RAP1GAP2: variants seen among roughly 807,000 people sequenced by gnomAD.
RAP1GAP2 encodes the protein rap1 GTPase-activating protein 2.
A neutral mutation model predicts 95.0 loss-of-function variants in RAP1GAP2; 27 were observed. That is an observed-to-expected ratio of 0.28 (90% CI 0.21 to 0.39). The LOEUF (loss-of-function observed/expected upper bound fraction) is 0.39, where lower values mean the gene tolerates loss of function less well. RAP1GAP2 is among the 10% of genes least tolerant of loss of function. The pLI is 1.00. For missense variants in RAP1GAP2, 771 were observed against 970.0 expected, an observed-to-expected ratio of 0.79 and a Z score of 2.72; for synonymous variants, 373 against 380.9, an observed-to-expected ratio of 0.98 and a Z score of 0.24.
chr17:2,790,300 C>T (rs544721750), intron 1 of RAP1GAP2, among the ~76,000 whole-genome samples: 3 of 152,164 alleles, frequency 2.0e-5, no homozygotes, highest in Non-Finnish European at 2.9e-5. Context: ...TTAGTAGAGA[C>T]GGGGTTTCTC....
At chr17:2,900,498 A>G (rs1465933137) in intron 2 of RAP1GAP2, among the ~76,000 whole-genome samples, 1 of 151,958 alleles carries the variant, frequency 6.6e-6, no homozygotes, top group Non-Finnish European at 1.5e-5. Flanking sequence ...CTGGAGTGCC[A>G]TGGTGAGATC....
At chr17:2,838,270 G>A (rs1248012248) in intron 2 of RAP1GAP2, among the ~76,000 whole-genome samples, 3 of 151,818 alleles carry the variant, frequency 2.0e-5, no homozygotes, top group South Asian at 2.1e-4. Flanking sequence ...CGCCCGCCTC[G>A]GCCTCCCAAA....
chr17:2,928,871 G>A (rs995663821), intron 3 of RAP1GAP2, among the ~76,000 whole-genome samples: 1 of 152,060 alleles, frequency 6.6e-6, no homozygotes, highest in African/African-American at 2.4e-5. Context: ...CTATCATCCT[G>A]ATCGCTCTGG....
At chr17:2,816,048 G>C (rs537417609) in intron 2 of RAP1GAP2, among the ~76,000 whole-genome samples, 1 of 152,168 alleles carries the variant, frequency 6.6e-6, no homozygotes, top group Admixed American at 6.5e-5. Context: ...CTTATTCCTT[G>C]AGTTAGCAGC....
chr17:2,942,749 G>A (rs899436167), intron 3 of RAP1GAP2, among the ~76,000 whole-genome samples: 6 of 152,056 alleles, frequency 3.9e-5, no homozygotes, highest in African/African-American at 1.2e-4. Flanking sequence ...CAACCATCAC[G>A]TCTATCTAAT....
chr17:2,963,594 C>A lies in RAP1GAP2; in HGVS notation c.279+132C>A. The A allele has an allele frequency of 1.6e-6, 2 of 1,239,346 alleles. No individual in the cohort carries two copies. Among genetic ancestry groups the A allele is most frequent in the African/African-American group, 1.5e-5 (1 of 67,158 alleles). The allele number at this position is 1,239,346 out of a possible 1,614,324, so 76.8% of individuals were successfully genotyped here. ...TTGGGCCTGGGACCTCTCTTCCTGTCTTTGCCTTTGTAACCTCAGCTTCTC... is the reference window on the plus strand; with the variant it reads ...TTGGGCCTGGGACCTCTCTTCCTGTATTTGCCTTTGTAACCTCAGCTTCTC... On this transcript the variant is annotated intron_variant, in intron 6 of 24. Transcript: ENST00000254695. The surrounding 1 kb of genome is among the most constrained non-coding windows in gnomAD (Gnocchi z 4.8).
At chr17:2,990,892 C>T (rs932955456) in intron 11 of RAP1GAP2, among the ~76,000 whole-genome samples, 1 of 149,720 alleles carries the variant, frequency 6.7e-6, no homozygotes, top group Non-Finnish European at 1.5e-5. Flanking sequence ...TCACCCAGAC[C>T]GGACTGCAAT....
rs141839067 is a variant in RAP1GAP2, at chr17:2,807,971, C to T, written c.80+7421C>T. On this transcript the variant is annotated intron_variant, in intron 2 of 24. Coordinates refer to ENST00000254695, the MANE Select transcript of RAP1GAP2 (RefSeq NM_015085.5). ...TGGCCTGCGCCCTGGGGTGAGGCCT[C>T]GGGAAGTTCGCACTGTTTCCAGCGG... Among the ~76,000 whole-genome samples, 8 of 152,290 alleles carry T rather than the reference C, an allele frequency of 5.3e-5. No homozygotes were observed. In the East Asian group the frequency reaches 7.7e-4, roughly 15 times the overall value.
intron 2 of RAP1GAP2, among the ~76,000 whole-genome samples, chr17:2,873,637 T>G (rs1049834854): frequency 6.6e-6 from 1 of 152,096 alleles, no homozygotes; most frequent in African/African-American, 2.4e-5. Context: ...GCTAATGTAT[T>G]CCTCATTCAA....
At chr17:2,807,030 T>C (rs536321662) in intron 2 of RAP1GAP2, among the ~76,000 whole-genome samples, 7 of 151,786 alleles carry the variant, frequency 4.6e-5, no homozygotes, top group African/African-American at 1.5e-4. Context: ...GCTGTGAGAA[T>C]TATGCACAAC....
In RAP1GAP2 at chr17:2,906,074, A is replaced by G. The variant is rs115521147; in HGVS notation, c.165+706A>G. Among the ~76,000 whole-genome samples the G allele has an allele frequency of 6.3e-3, 966 of 152,196 alleles. 11 individuals are homozygous for G. The highest frequency in any genetic ancestry group is 0.022 in the African/African-American group (912 of 41,526). On this transcript the variant is annotated intron_variant, in intron 3 of 24. Transcript: ENST00000254695. This position sits in a 1 kb window ranked among gnomAD's most constrained non-coding sequence, Gnocchi z 4.3. ...AGCCAGTGTTTCTGCATAGGCTGGC[A>G]TGCACGCTCTCCCTCCCTCCCTCCC...
chr17:2,953,721 C>T (rs2044000640), intron 3 of RAP1GAP2, among the ~76,000 whole-genome samples: 1 of 152,096 alleles, frequency 6.6e-6, no homozygotes, highest in Non-Finnish European at 1.5e-5. Flanking sequence ...GGGGCGCATG[C>T]CTGTAATCCC....
intron 2 of RAP1GAP2, among the ~76,000 whole-genome samples, chr17:2,801,571 T>C (rs1234466112): frequency 6.6e-6 from 1 of 150,800 alleles, no homozygotes; most frequent in African/African-American, 2.4e-5. Context: ...CCCCGCCTAC[T>C]AGGACCTGAC....
intron 3 of RAP1GAP2, among the ~76,000 whole-genome samples, chr17:2,929,520 T>C (rs1477741076): frequency 6.6e-6 from 1 of 152,106 alleles, no homozygotes; most frequent in Non-Finnish European, 1.5e-5. Context: ...CCTGGGGCAG[T>C]TGGTGAGCTG....
chr17:2,918,559 G>GGT lies in RAP1GAP2; in HGVS notation c.165+13193_165+13194dup, dbSNP rs1489153811. ...CAGGAAACTTTTATTCATGGTGGAA[G>GGT]GTGAAGGGAGAGGAGGCAGGTCACA... On this transcript the variant is annotated intron_variant, in intron 3 of 24. Coordinates refer to ENST00000254695, the MANE Select transcript of RAP1GAP2 (RefSeq NM_015085.5). 9.2e-5 allele frequency among the ~76,000 whole-genome samples: 14 copies of GGT among 152,090 alleles called. No individual in the cohort carries two copies. The East Asian group carries it at 2.7e-3, about 29-fold the overall frequency.
rs186851311 is a variant in RAP1GAP2 at position 2,830,745 on chromosome 17, A to C, written c.80+30195A>C. ...AAACAAAACAAAACAAAAACTAAAA[A>C]AAAGATTTTGAACAGTAAATGTATT... is the stretch of plus-strand genomic sequence containing the variant. On this transcript the variant is annotated intron_variant, in intron 2 of 24. Transcript: ENST00000254695. Among the ~76,000 whole-genome samples the C allele has an allele frequency of 5.7e-3, 866 of 151,974 alleles. 6 individuals carry two copies. Among genetic ancestry groups the C allele is most frequent in the African/African-American group, 0.02 (827 of 41,500 alleles).
intron 2 of RAP1GAP2, among the ~76,000 whole-genome samples, chr17:2,833,400 G>T (rs1053722827): frequency 6.6e-6 from 1 of 152,052 alleles, no homozygotes; most frequent in African/African-American, 2.4e-5. Context: ...GCCTCCCAAA[G>T]TGTTGGGATT....
rs778931258 is a variant in RAP1GAP2 at position 2,980,270 on chromosome 17, T to C, written c.597-17T>C. ...ACTGTTTCTTAGGGATGTCCTTTTT[T>C]CTCCCGTCTTGTGCAGGTCCAAACT... On this transcript the variant is annotated splice_polypyrimidine_tract_variant and intron_variant, in intron 8 of 24. Transcript: ENST00000254695. The C allele has an allele frequency of 3.7e-6, 6 of 1,613,260 alleles. No individual in the cohort carries two copies. The South Asian group carries it at 6.6e-5, about 18-fold the overall frequency.
At chr17:3,026,322 G>A in intron 20 of RAP1GAP2, 28 bp from the exon 21 acceptor site, 1 of 1,526,444 alleles carries the variant, frequency 6.6e-7, no homozygotes, top group Non-Finnish European at 8.9e-7. Context: ...GTGTGACCCG[G>A]GCTGGCCTCA....
Sources: gnomAD v4.1 joint callset for allele counts (sites outside exome capture counted in the v4.1 genomes callset) on GRCh38, gnomAD v4.1.1 for gene constraint, Gnocchi (gnomAD v3.1) non-coding constraint, MANE v1.5 for transcripts, NCBI Gene and HGNC (gene_info 2026-07-23, HGNC 2026-07-21) for gene names.